EYS: variants seen among roughly 807,000 people sequenced by gnomAD.
The protein encoded by EYS is protein eyes shut homolog.
Under a neutral mutation model 282.1 loss-of-function variants are expected in EYS, and 250 were observed. The observed-to-expected ratio is 0.89, with a 90% CI of 0.80 to 0.98. EYS has a LOEUF of 0.98. Among genes scored for constraint, EYS ranks in the 50% least tolerant of loss-of-function variants. The pLI, the probability that EYS is intolerant of heterozygous loss-of-function variation, is 0.00. For synonymous variants in EYS, 1,355 were observed against 1,282.9 expected (o/e 1.06, Z -1.20); for missense variants, 4,016 against 3,709.0 (o/e 1.08, Z -2.15).
rs1443148747 is a variant in EYS at position 63,778,029 on chromosome 6, G to T, written c.7875C>A (p.Cys2625Ter). 1.3e-6 allele frequency: 2 copies of T among 1,551,618 alleles called. No individual in the cohort carries two copies. Among genetic ancestry groups the T allele is most frequent in the South Asian group, 1.2e-5 (1 of 84,058 alleles). The change falls in exon 40 of 43, where the codon TGC becomes TGA. Residue 2625 changes from cysteine (C) to a stop codon, truncating the protein, a stop_gained. Transcript: ENST00000503581. LOFTEE classifies it high-confidence loss of function. ...ACTAAACACTAGTTCCACTCTCTAT[G>T]CATGTCCCACCATTGCCACATTTCA... ...SLMKCGNGGT[C>*]IESGTSVYCN...
intron 31 of EYS, among the ~76,000 whole-genome samples, chr6:64,223,430 A>G (rs9351199): frequency 0.31 from 47,571 of 151,830 alleles, 7,451 homozygotes; most frequent in East Asian, 0.5. Context: ...TTAGTATCTT[A>G]TCTGTTTATG....
chr6:65,259,736 A>G (rs1582073697), intron 12 of EYS, among the ~76,000 whole-genome samples: 1 of 152,072 alleles, frequency 6.6e-6, no homozygotes, highest in East Asian at 1.9e-4. Flanking sequence ...AACTCGACAT[A>G]TCTTTCAATT....
intron 29 of EYS, among the ~76,000 whole-genome samples, chr6:64,380,897 C>T (rs1772723787): frequency 6.6e-6 from 1 of 151,878 alleles, no homozygotes; most frequent in African/African-American, 2.4e-5. Context: ...TACCTGTAAT[C>T]CCAGCCACTC....
At chr6:64,584,060 GTAGTT>G in intron 26 of EYS, among the ~76,000 whole-genome samples, 1 of 151,946 alleles carries the variant, frequency 6.6e-6, no homozygotes. Flanking sequence ...CAAAATTCTT[GTAGTT>G]TATTTTAATC....
chr6:64,764,353 C>A (rs925657316), intron 22 of EYS, among the ~76,000 whole-genome samples: 5 of 152,250 alleles, frequency 3.3e-5, no homozygotes, highest in African/African-American at 1.2e-4. Flanking sequence ...GTGGAAGCTG[C>A]CAAGGCTTGG....
intron 12 of EYS, among the ~76,000 whole-genome samples, chr6:65,224,323 C>G (rs746433738): frequency 2.0e-4 from 30 of 151,960 alleles, no homozygotes; most frequent in Non-Finnish European, 3.8e-4. Flanking sequence ...GTCAAAGCAG[C>G]AATCACAAAG....
chr6:64,094,018 G>A (rs1772480675), intron 31 of EYS, among the ~76,000 whole-genome samples: 1 of 152,082 alleles, frequency 6.6e-6, no homozygotes, highest in Admixed American at 6.5e-5. Flanking sequence ...GTAATCATGT[G>A]GTTTTTGTCT....
intron 10 of EYS, among the ~76,000 whole-genome samples, chr6:65,339,489 ATTG>A (rs1159631442): frequency 6.6e-6 from 1 of 151,162 alleles, no homozygotes; most frequent in Non-Finnish European, 1.5e-5. Context: ...TTTATTAGTA[ATTG>A]TTGTTAATCT....
chr6:64,031,880 A>C (rs1769862447), intron 33 of EYS, among the ~76,000 whole-genome samples: 1 of 152,130 alleles, frequency 6.6e-6, no homozygotes, highest in Non-Finnish European at 1.5e-5. Flanking sequence ...GTGGGGCCAG[A>C]TAAGGGAATA....
At chr6:65,108,870 T>C (rs1183643044) in intron 12 of EYS, among the ~76,000 whole-genome samples, 1 of 152,108 alleles carries the variant, frequency 6.6e-6, no homozygotes, top group Non-Finnish European at 1.5e-5. Context: ...GATCAGTGTT[T>C]TTTTTCTTTT....
At chr6:64,285,384 A>G (rs1000076888) in intron 30 of EYS, among the ~76,000 whole-genome samples, 2 of 152,226 alleles carry the variant, frequency 1.3e-5, no homozygotes, top group Non-Finnish European at 2.9e-5. Flanking sequence ...CTTTGATAAA[A>G]CATAACAAGA....
chr6:63,830,778 G>T (rs1771609529), intron 36 of EYS, among the ~76,000 whole-genome samples: 1 of 152,182 alleles, frequency 6.6e-6, no homozygotes, highest in Admixed American at 6.5e-5. Flanking sequence ...ATTCACCAAA[G>T]TCGAAATGAA....
chr6:64,138,728 A>G (rs985151992), intron 31 of EYS, among the ~76,000 whole-genome samples: 1 of 152,196 alleles, frequency 6.6e-6, no homozygotes, highest in East Asian at 1.9e-4. Context: ...AGCACTGAGC[A>G]GCCTGCTTGT....
In EYS at chr6:65,194,099, G is replaced by A. The variant is rs910722207; in HGVS notation, c.2023+101764C>T. Among the ~76,000 whole-genome samples, 4 of 151,784 alleles carry A rather than the reference G, an allele frequency of 2.6e-5. No homozygotes were observed. In the Admixed American group the frequency reaches 2.6e-4, roughly 10 times the overall value. ...AACTTTGCTTTATAGATTGCTTAGG[G>A]CTACTGCCTAAATAAAAATAAATTC... On this transcript the variant is annotated intron_variant, in intron 12 of 42. Coordinates refer to ENST00000503581, the MANE Select transcript of EYS (RefSeq NM_001142800.2).
intron 29 of EYS, among the ~76,000 whole-genome samples, chr6:64,377,437 A>T: frequency 6.6e-6 from 1 of 152,158 alleles, no homozygotes; most frequent in Non-Finnish European, 1.5e-5. Flanking sequence ...CGTAGGTTTT[A>T]AAAGTGTGGG....
intron 31 of EYS, among the ~76,000 whole-genome samples, chr6:64,114,663 A>T (rs1359410184): frequency 6.6e-6 from 1 of 152,202 alleles, no homozygotes; most frequent in African/African-American, 2.4e-5. Flanking sequence ...TACTCTGCAG[A>T]GAATTCTGGC....
At chr6:64,188,317 T>A (rs1765006299) in intron 31 of EYS, among the ~76,000 whole-genome samples, 1 of 152,130 alleles carries the variant, frequency 6.6e-6, no homozygotes, top group African/African-American at 2.4e-5. Flanking sequence ...AAAAAACTAA[T>A]AGTTCTGATC....
intron 30 of EYS, among the ~76,000 whole-genome samples, chr6:64,302,030 C>T (rs1414831278): frequency 1.3e-5 from 2 of 152,190 alleles, no homozygotes; most frequent in Non-Finnish European, 2.9e-5. Context: ...CTCTAAAGCA[C>T]ACCCTGTGTG....
At chr6:64,392,702 A>G (rs183906634) in intron 28 of EYS, among the ~76,000 whole-genome samples, 2,428 of 148,304 alleles carry the variant, frequency 0.016, 235 homozygotes, top group Admixed American at 0.15. Flanking sequence ...ACACCCTAAC[A>G]TCACAATTAA....
Sources: gnomAD v4.1 joint callset for allele counts (sites outside exome capture counted in the v4.1 genomes callset) on GRCh38, gnomAD v4.1.1 for gene constraint, MANE v1.5 for transcripts, NCBI Gene and HGNC (gene_info 2026-07-23, HGNC 2026-07-21) for gene names.